APP: variants seen among roughly 807,000 people sequenced by gnomAD.
The protein encoded by APP is amyloid beta precursor protein.
APP carries 31 observed loss-of-function variants against 101.4 expected under a neutral mutation model. The ratio of observed to expected loss-of-function variants is 0.31; its 90% CI spans 0.23 to 0.41. The LOEUF (loss-of-function observed/expected upper bound fraction) is 0.41, where lower values mean the gene tolerates loss of function less well. Among genes scored for constraint, APP ranks in the 10% least tolerant of loss-of-function variants. The probability of loss-of-function intolerance (pLI) is 1.00; values close to 1 mark genes in which losing one functional copy is unlikely to be tolerated. For synonymous variants in APP, 366 were observed against 364.4 expected, an observed-to-expected ratio of 1.00 and a Z score of -0.05; for missense variants, 839 against 1,003.7, an observed-to-expected ratio of 0.84 and a Z score of 2.22.
intron 11 of APP, among the ~76,000 whole-genome samples, chr21:25,964,169 C>T (rs1161232285): frequency 6.6e-6 from 1 of 152,130 alleles, no homozygotes; most frequent in Non-Finnish European, 1.5e-5. Context: ...GCTGATGCGG[C>T]TCTGATTTTG....
At chr21:26,105,244 T>C (rs2062156217) in intron 2 of APP, among the ~76,000 whole-genome samples, 1 of 151,986 alleles carries the variant, frequency 6.6e-6, no homozygotes, top group South Asian at 2.1e-4. Flanking sequence ...AAGATGAAAG[T>C]CATCCAACAA....
At chr21:26,069,245 T>C (rs921647407) in intron 3 of APP, among the ~76,000 whole-genome samples, 2 of 152,188 alleles carry the variant, frequency 1.3e-5, no homozygotes, top group African/African-American at 4.8e-5. Context: ...CAGAAGACCA[T>C]GGGACTATAA....
At chr21:25,962,203 C>T (rs2041610294) in intron 11 of APP, among the ~76,000 whole-genome samples, 2 of 152,046 alleles carry the variant, frequency 1.3e-5, no homozygotes, top group African/African-American at 4.8e-5. Flanking sequence ...CTAAACTCAC[C>T]TCACAATCAC....
rs917526703 is a variant in APP at position 25,935,884 on chromosome 21, G to A, written c.1687+18706C>T. The stretch of plus-strand genomic sequence containing the variant: ...AAACCTGTCAAATCCCTCCATACAA[G>A]TGTATGCACTTCACATACCAAGGAG... On this transcript the variant is annotated intron_variant, in intron 13 of 17. Transcript: ENST00000346798. 5.6e-5 allele frequency among the ~76,000 whole-genome samples: 8 copies of A among 143,758 alleles called. No individual in the cohort carries two copies. The East Asian group carries it at 1.0e-3, about 19-fold the overall frequency. 94.3% of individuals were successfully genotyped at this position (143,758 alleles called of 152,430 possible). A position where few individuals can be genotyped will look rare whatever the true frequency, so the allele number is the denominator to read the frequency against.
intron 1 of APP, among the ~76,000 whole-genome samples, chr21:26,116,039 A>G (rs2062427904): frequency 1.3e-5 from 2 of 152,218 alleles, no homozygotes; most frequent in African/African-American, 4.8e-5. Flanking sequence ...AAGACTGAAT[A>G]TGAAGGTAAT....
At chr21:26,006,727 G>A (rs898011596) in intron 6 of APP, among the ~76,000 whole-genome samples, 9 of 152,186 alleles carry the variant, frequency 5.9e-5, no homozygotes, top group Non-Finnish European at 1.2e-4. Flanking sequence ...AATGAACACA[G>A]TTGTGAAACT....
At chr21:26,170,777 C>CT, upstream of APP, 5 of 776,504 alleles carry the variant, frequency 6.4e-6, no homozygotes, top group Non-Finnish European at 9.4e-6. Flanking sequence ...TGACGGAGCC[C>CT]GAGCGCGGCG....
chr21:26,119,298 T>C (rs1222238148), intron 1 of APP, among the ~76,000 whole-genome samples: 4 of 152,220 alleles, frequency 2.6e-5, no homozygotes, highest in Non-Finnish European at 5.9e-5. Context: ...TTACTGGCTT[T>C]TAAAAAAATT....
At chr21:26,069,546 C>A (rs544889315) in intron 3 of APP, among the ~76,000 whole-genome samples, 68 of 152,266 alleles carry the variant, frequency 4.5e-4, no homozygotes, top group African/African-American at 1.6e-3. Context: ...ATATCACCAA[C>A]GACCACCCAC....
intron 1 of APP, among the ~76,000 whole-genome samples, chr21:26,122,749 T>C (rs1489661020): frequency 1.3e-5 from 2 of 151,652 alleles, no homozygotes; most frequent in Non-Finnish European, 2.9e-5. Flanking sequence ...TTAATAAAAT[T>C]TTTTTATTAA....
At chr21:26,045,534 G>T (rs903087261) in intron 5 of APP, among the ~76,000 whole-genome samples, 3 of 152,130 alleles carry the variant, frequency 2.0e-5, no homozygotes, top group Non-Finnish European at 4.4e-5. Context: ...TATTAAAATT[G>T]CTAATAGTTA....
chr21:25,983,461 A>G (rs1473870878), intron 8 of APP, among the ~76,000 whole-genome samples: 1 of 152,210 alleles, frequency 6.6e-6, no homozygotes, highest in Non-Finnish European at 1.5e-5. Flanking sequence ...TTGGGATATA[A>G]TATCTCAAAG....
rs771007405 is a variant in APP, at chr21:25,954,575, G to T, written c.1687+15C>A. 5 of 1,601,014 alleles carry T rather than the reference G, an allele frequency of 3.1e-6. No homozygotes were observed. The South Asian group carries it at 4.4e-5, about 14-fold the overall frequency. ...TACATGTCCATGTGCAGCATCAAAA[G>T]AACAGCTTACTTACCAACTTCATCC... On this transcript the variant is annotated intron_variant, in intron 13 of 17. Coordinates refer to ENST00000346798, the MANE Select transcript of APP (RefSeq NM_000484.4).
chr21:25,888,170 G>A (rs1257335579), intron 17 of APP, among the ~76,000 whole-genome samples: 1 of 152,146 alleles, frequency 6.6e-6, no homozygotes, highest in African/African-American at 2.4e-5. Flanking sequence ...ACTGAAGTAG[G>A]GTTACTGATT....
chr21:25,964,315 C>T lies in APP; in HGVS notation c.1459-8560G>A, dbSNP rs531130538. ...TCCTCTAACAATCTTTCTCCTCTTA[C>T]GGAGGAAGACATCTTCCTACTTCAC... On this transcript the variant is annotated intron_variant, in intron 11 of 17. Coordinates refer to ENST00000346798, the MANE Select transcript of APP (RefSeq NM_000484.4). Among the ~76,000 whole-genome samples the T allele has an allele frequency of 2.7e-3, 412 of 152,324 alleles. 2 individuals are homozygous for T. The highest frequency in any genetic ancestry group is 9.6e-3 in the African/African-American group (397 of 41,568).
At chr21:26,138,924 T>A (rs530122870) in intron 1 of APP, among the ~76,000 whole-genome samples, 1 of 152,204 alleles carries the variant, frequency 6.6e-6, no homozygotes, top group Admixed American at 6.5e-5. Context: ...TTCGATATTA[T>A]TGTCTACTTT....
chr21:26,019,578 G>C (rs1341894062), intron 6 of APP, among the ~76,000 whole-genome samples: 1 of 152,152 alleles, frequency 6.6e-6, no homozygotes, highest in Non-Finnish European at 1.5e-5. Context: ...GGGTTAGCTG[G>C]TCTGTGTGTG....
At chr21:26,081,395 G>C (rs1327002152) in intron 3 of APP, among the ~76,000 whole-genome samples, 2 of 151,308 alleles carry the variant, frequency 1.3e-5, no homozygotes, top group Non-Finnish European at 2.9e-5. Flanking sequence ...GTTGTTCTCT[G>C]GGGGGCAGGG....
At position 26,053,369 on chromosome 21, in the gene APP, T is replaced by G. The variant is rs764565830; in HGVS notation, c.356-21A>C. 13 of 1,453,582 alleles carry G rather than the reference T, an allele frequency of 8.9e-6. No homozygotes were observed. In the Admixed American group the frequency reaches 2.2e-4, roughly 24 times the overall value. The allele number at this position is 1,453,582 out of a possible 1,614,324, so 90.0% of individuals were successfully genotyped here. ...ACCAACTGAAAGAAAGGAAAACCAC[T>G]TCCCGTCATTCCATCTGTATCACAG... On this transcript the variant is annotated intron_variant, in intron 3 of 17. Transcript: ENST00000346798.
Sources: allele counts gnomAD v4.1 joint callset (sites outside exome capture counted in the v4.1 genomes callset), GRCh38; gene constraint gnomAD v4.1.1; transcripts MANE v1.5; gene names NCBI Gene and HGNC (gene_info 2026-07-23, HGNC 2026-07-21).